Variants in BBS9 observed in about 807,000 individuals in gnomAD.
BBS9 encodes protein PTHB1.
A neutral mutation model predicts 117.7 loss-of-function variants in BBS9; 89 were observed. The observed-to-expected ratio is 0.76, with a 90% confidence interval of 0.64 to 0.90. BBS9 has a LOEUF of 0.90. Ranked by LOEUF, BBS9 falls within the 40% of genes least tolerant of loss-of-function variation. BBS9 has a pLI of 0.00. For missense variants in BBS9, 982 were observed against 1,042.2 expected, an observed-to-expected ratio of 0.94 and a Z score of 0.80; for synonymous variants, 379 against 370.9, an observed-to-expected ratio of 1.02 and a Z score of -0.25.
rs749820680 is a variant in BBS9, at chr7:33,273,039, C to A, written c.730C>A (p.Gln244Lys). The change falls in exon 8 of 23, where the codon CAA becomes AAA. Residue 244 changes from glutamine to lysine, a missense_variant. Physicochemically the swap from Gln to Lys is moderately conservative, Grantham distance 53. Coordinates refer to ENST00000242067, the MANE Select transcript of BBS9 (RefSeq NM_198428.3). ...GGATTGGACTCTAAATATTGGAGAG[C>A]AAGCCCTTGACATATGTATTGTCTC... is the stretch of plus-strand genomic sequence containing the variant. ...VVDWTLNIGE[Q>K]ALDICIVSFN... 4 of 1,613,638 alleles carry A rather than the reference C, an allele frequency of 2.5e-6. No homozygotes were observed. In the South Asian group the frequency reaches 4.4e-5, roughly 18 times the overall value.
chr7:33,303,080 C>A (rs932367048), intron 9 of BBS9, among the ~76,000 whole-genome samples: 5 of 152,034 alleles, frequency 3.3e-5, no homozygotes, highest in African/African-American at 1.2e-4. Flanking sequence ...TCATTGTTGG[C>A]ATATATAAAT....
chr7:33,515,236 T>G (rs1303911681), intron 20 of BBS9, among the ~76,000 whole-genome samples: 1 of 152,240 alleles, frequency 6.6e-6, no homozygotes, highest in African/African-American at 2.4e-5. Context: ...TTATCATACA[T>G]TACTCTTGTG....
chr7:33,607,204 A>G (rs2129211453), downstream of BBS9, among the ~76,000 whole-genome samples: 1 of 152,264 alleles, frequency 6.6e-6, no homozygotes, highest in African/African-American at 2.4e-5. Flanking sequence ...TAATCTCCTA[A>G]AAGAAGTCAA....
intron 19 of BBS9, among the ~76,000 whole-genome samples, chr7:33,467,725 G>A (rs1052941242): frequency 1.1e-4 from 16 of 152,122 alleles, no homozygotes; most frequent in Admixed American, 3.9e-4. Flanking sequence ...GAAAAAAATA[G>A]ATATTTCTTG....
At chr7:33,304,847 C>G (rs1379860836) in intron 9 of BBS9, among the ~76,000 whole-genome samples, 1 of 152,142 alleles carries the variant, frequency 6.6e-6, no homozygotes, top group Non-Finnish European at 1.5e-5. Context: ...CAACCCCGTG[C>G]TCTCTGAAAC....
At chr7:33,493,843 G>A (rs56905036) in intron 19 of BBS9, among the ~76,000 whole-genome samples, 2 of 152,322 alleles carry the variant, frequency 1.3e-5, no homozygotes, top group South Asian at 2.1e-4. Context: ...GAGGGTCTGA[G>A]TATAAAAATA....
chr7:33,576,228 G>A (rs1359927259), intron 21 of BBS9, among the ~76,000 whole-genome samples: 1 of 152,164 alleles, frequency 6.6e-6, no homozygotes, highest in Non-Finnish European at 1.5e-5. Context: ...CAAAATCAAT[G>A]TGCAGAAATC....
intron 21 of BBS9, among the ~76,000 whole-genome samples, chr7:33,587,103 G>T (rs1263455349): frequency 1.3e-5 from 2 of 152,038 alleles, no homozygotes; most frequent in Non-Finnish European, 2.9e-5. Flanking sequence ...AAAGTTGTGA[G>T]ACCCAGGGTC....
At chr7:33,559,867 G>A (rs1855835327) in intron 21 of BBS9, among the ~76,000 whole-genome samples, 1 of 152,082 alleles carries the variant, frequency 6.6e-6, no homozygotes, top group South Asian at 2.1e-4. Context: ...GCTTCCAGAA[G>A]GATGCATATT....
Position 33,433,327 on chromosome 7 carries a change from C to T in BBS9, c.2115+45183C>T, listed in dbSNP as rs573261889. On this transcript the variant is annotated intron_variant, in intron 19 of 22. Transcript: ENST00000242067. ...AGTCATCTGTATAATGCCTTTCCTC[C>T]AATACATCATTGGTAGAGGACAATT... Among the ~76,000 whole-genome samples, 7 of 152,110 alleles carry T rather than the reference C, an allele frequency of 4.6e-5. No homozygotes were observed. In the South Asian group the frequency reaches 6.2e-4, roughly 14 times the overall value.
chr7:33,327,035 C>T (rs1813003344), intron 9 of BBS9, among the ~76,000 whole-genome samples: 1 of 152,066 alleles, frequency 6.6e-6, no homozygotes, highest in African/African-American at 2.4e-5. Context: ...TGGCACTGAG[C>T]CCAGTGAAGC....
chr7:33,330,115 G>T (rs974978295), intron 9 of BBS9, among the ~76,000 whole-genome samples: 2 of 151,986 alleles, frequency 1.3e-5, no homozygotes, highest in African/African-American at 4.8e-5. Flanking sequence ...TCCAGTTCAA[G>T]TAATTCTCCT....
intron 9 of BBS9, among the ~76,000 whole-genome samples, chr7:33,297,776 T>C (rs1188472613): frequency 6.6e-6 from 1 of 152,146 alleles, no homozygotes; most frequent in Non-Finnish European, 1.5e-5. Flanking sequence ...ACATTCAGAA[T>C]CATGAAAGGA....
At chr7:33,390,330 A>G in intron 19 of BBS9, 3 of 985,254 alleles carry the variant, frequency 3.0e-6, no homozygotes, top group Non-Finnish European at 3.6e-6. Context: ...CGTCTTTTAT[A>G]CATTTAAAGT....
chr7:33,470,907 G>T (rs1056516641), intron 19 of BBS9, among the ~76,000 whole-genome samples: 1 of 151,942 alleles, frequency 6.6e-6, no homozygotes, highest in East Asian at 1.9e-4. Flanking sequence ...TTCAAAAGAT[G>T]GGAGGGATAG....
At chr7:33,143,757 G>A (rs1791898865) in intron 1 of BBS9, among the ~76,000 whole-genome samples, 1 of 151,430 alleles carries the variant, frequency 6.6e-6, no homozygotes, top group African/African-American at 2.4e-5. Flanking sequence ...TAGAGATGAG[G>A]TTTCACTATG....
intron 19 of BBS9, among the ~76,000 whole-genome samples, chr7:33,392,313 C>T (rs1827197165): frequency 6.6e-6 from 1 of 152,108 alleles, no homozygotes; most frequent in Admixed American, 6.5e-5. Flanking sequence ...TGATTGGGCT[C>T]ACTCATGTGT....
chr7:33,339,614 G>A (rs1159344437), intron 10 of BBS9, among the ~76,000 whole-genome samples: 1 of 152,064 alleles, frequency 6.6e-6, no homozygotes, highest in Non-Finnish European at 1.5e-5. Flanking sequence ...GGGTCACAGG[G>A]TGATCTCAGC....
At chr7:33,519,261 T>C (rs1442988135) in intron 20 of BBS9, among the ~76,000 whole-genome samples, 1 of 152,170 alleles carries the variant, frequency 6.6e-6, no homozygotes, top group African/African-American at 2.4e-5. Context: ...ATGGTTCTTC[T>C]CTTGTCCTAG....
Sources: allele counts gnomAD v4.1 joint callset (sites outside exome capture counted in the v4.1 genomes callset), GRCh38; gene constraint gnomAD v4.1.1; transcripts MANE v1.5; gene names NCBI Gene and HGNC (gene_info 2026-07-23, HGNC 2026-07-21).